Variants in DACH2 observed in about 807,000 individuals in gnomAD.
DACH2 encodes dachshund homolog 2.
DACH2 carries 17 observed loss-of-function variants against 35.8 expected under a neutral mutation model. The observed-to-expected ratio is 0.48, with a 90% CI of 0.33 to 0.71. The LOEUF is 0.71. Ranked by LOEUF, DACH2 falls within the 30% of genes least tolerant of loss-of-function variation. The probability of loss-of-function intolerance (pLI) is 0.02; values close to 1 mark genes in which losing one functional copy is unlikely to be tolerated. For missense variants in DACH2, 469 were observed against 472.7 expected (o/e 0.99, Z 0.07); for synonymous variants, 195 against 177.3 (o/e 1.10, Z -0.79).
At chrX:86,204,309 T>C (rs1389580629) in intron 1 of DACH2, among the ~76,000 whole-genome samples, 3 of 112,277 alleles carry the variant, frequency 2.7e-5, no homozygotes, top group Non-Finnish European at 3.8e-5. Context: ...AGACATGTTT[T>C]AAATGTATCC....
At chrX:86,251,697 C>A (rs1375686514) in intron 1 of DACH2, among the ~76,000 whole-genome samples, 2 of 111,662 alleles carry the variant, frequency 1.8e-5, no homozygotes, top group Non-Finnish European at 3.8e-5. Flanking sequence ...GAGTAGTGTT[C>A]CATCGTATAT....
chrX:86,367,829 T>A (rs1479159127), intron 1 of DACH2, among the ~76,000 whole-genome samples: 2 of 111,827 alleles, frequency 1.8e-5, no homozygotes, highest in Non-Finnish European at 3.8e-5. Flanking sequence ...GAGTTCTCCT[T>A]TGTTCCATTC....
intron 2 of DACH2, among the ~76,000 whole-genome samples, chrX:86,378,514 AG>A (rs2036000574): frequency 9.0e-6 from 1 of 110,933 alleles, no homozygotes; most frequent in Non-Finnish European, 1.9e-5. Flanking sequence ...GTGGGAATGC[AG>A]GCTCAGTATT....
intron 4 of DACH2, among the ~76,000 whole-genome samples, chrX:86,678,206 A>G (rs1428117536): frequency 8.9e-6 from 1 of 112,365 alleles, no homozygotes; most frequent in East Asian, 2.8e-4. Context: ...CCCACTGAGC[A>G]CTGTAACCAT....
intron 2 of DACH2, among the ~76,000 whole-genome samples, chrX:86,427,522 G>T (rs1043517716): frequency 3.6e-5 from 4 of 110,785 alleles, no homozygotes; most frequent in African/African-American, 1.3e-4. Flanking sequence ...AAGTTGTTCC[G>T]CAATCTCGGA....
intron 1 of DACH2, among the ~76,000 whole-genome samples, chrX:86,150,611 G>T (rs148834611): frequency 8.1e-5 from 9 of 111,669 alleles, no homozygotes; most frequent in African/African-American, 2.9e-4. Flanking sequence ...CATATTTAGG[G>T]CTTACAAAGC....
At chrX:86,315,842 G>C (rs867670247) in intron 1 of DACH2, among the ~76,000 whole-genome samples, 42 of 105,407 alleles carry the variant, frequency 4.0e-4, no homozygotes, top group Middle Eastern at 5.0e-3. Flanking sequence ...CACACACACA[G>C]AGAGAGAGAG....
intron 1 of DACH2, among the ~76,000 whole-genome samples, chrX:86,323,991 T>A: frequency 8.9e-6 from 1 of 111,785 alleles, no homozygotes; most frequent in South Asian, 3.8e-4. Flanking sequence ...TACGCACTTT[T>A]CTGATGAATT....
At chrX:86,313,383 A>G (rs2034837204) in intron 1 of DACH2, among the ~76,000 whole-genome samples, 1 of 111,827 alleles carries the variant, frequency 8.9e-6, no homozygotes, top group Admixed American at 9.5e-5. Flanking sequence ...GCATATTCAA[A>G]GTAAATGAAA....
chrX:86,232,934 A>G (rs1185961380), intron 1 of DACH2, among the ~76,000 whole-genome samples: 1 of 112,363 alleles, frequency 8.9e-6, no homozygotes, highest in African/African-American at 3.2e-5. Flanking sequence ...AGGATATGGA[A>G]TCAACCTAAA....
chrX:86,556,795 T>TATATATATATATAG (rs1232719385), intron 3 of DACH2, among the ~76,000 whole-genome samples: 1 of 25,296 alleles, frequency 4.0e-5, no homozygotes, highest in Admixed American at 7.1e-4. Context: ...TATATATATA[T>TATATATATATATAG]AGAGAGAGAG....
intron 3 of DACH2, among the ~76,000 whole-genome samples, chrX:86,556,775 TATATATATATATATATATATAGAGAG>T (rs1343078138): frequency 1.6e-5 from 1 of 61,513 alleles, no homozygotes; most frequent in African/African-American, 6.6e-5. Context: ...TATATATATA[TATATATATATATATATATATAGAGAG>T]AGAGAGAGAG....
chrX:86,492,631 GTC>G (rs1425985575), intron 2 of DACH2, among the ~76,000 whole-genome samples: 2 of 111,115 alleles, frequency 1.8e-5, no homozygotes, highest in African/African-American at 6.5e-5. Flanking sequence ...AGTCCCCAGT[GTC>G]TATTGTTGCC....
intron 3 of DACH2, among the ~76,000 whole-genome samples, chrX:86,626,522 G>T (rs1336930300): frequency 8.9e-6 from 1 of 112,695 alleles, no homozygotes; most frequent in African/African-American, 3.2e-5. Flanking sequence ...CTGTGTGGGG[G>T]ATCCCACCCC....
At chrX:86,402,315 C>T (rs904096513) in intron 2 of DACH2, among the ~76,000 whole-genome samples, 2 of 111,907 alleles carry the variant, frequency 1.8e-5, no homozygotes, top group African/African-American at 6.5e-5. Flanking sequence ...GCTCCTAGAA[C>T]TGATAAACAA....
chrX:86,594,664 A>G (rs1394057067), intron 3 of DACH2, among the ~76,000 whole-genome samples: 1 of 111,616 alleles, frequency 9.0e-6, no homozygotes, highest in African/African-American at 3.3e-5. Context: ...GTTTAATGTC[A>G]TCAGAGCCTG....
At chrX:86,311,251 A>C (rs1054793129) in intron 1 of DACH2, among the ~76,000 whole-genome samples, 2 of 111,984 alleles carry the variant, frequency 1.8e-5, no homozygotes, top group Non-Finnish European at 3.8e-5. Flanking sequence ...GGACTCACGG[A>C]ATGCCTTATC....
At chrX:86,172,217 C>A (rs1396879661) in intron 1 of DACH2, among the ~76,000 whole-genome samples, 1 of 112,138 alleles carries the variant, frequency 8.9e-6, no homozygotes, top group Admixed American at 9.5e-5. Flanking sequence ...CTCATTAAAT[C>A]TGATCCTTAG....
At chrX:86,316,491 T>C (rs1173298972) in intron 1 of DACH2, among the ~76,000 whole-genome samples, 4 of 111,747 alleles carry the variant, frequency 3.6e-5, no homozygotes, top group African/African-American at 1.3e-4. Context: ...GAGCTATTTA[T>C]GCTTTTTGTT....
Sources: gnomAD v4.1 joint callset for allele counts (sites outside exome capture counted in the v4.1 genomes callset) on GRCh38, gnomAD v4.1.1 for gene constraint, MANE v1.5 for transcripts, NCBI Gene and HGNC (gene_info 2026-07-23, HGNC 2026-07-21) for gene names.